The following MECOM variants were observed in gnomAD, a reference collection of about 807,000 sequenced individuals.
The protein encoded by MECOM is histone-lysine N-methyltransferase MECOM.
Under a neutral mutation model 116.3 loss-of-function variants are expected in MECOM, and 13 were observed. That is an observed-to-expected ratio of 0.11 (90% CI 0.07 to 0.18). MECOM has a LOEUF of 0.18. MECOM is among the 10% of genes least tolerant of loss of function. The pLI is 1.00. For synonymous variants in MECOM, 528 were observed against 535.2 expected (o/e 0.99, Z 0.19); for missense variants, 1,299 against 1,509.0 (o/e 0.86, Z 2.31).
At chr3:169,609,203 C>T (rs1350912557) in intron 1 of MECOM, among the ~76,000 whole-genome samples, 2 of 152,156 alleles carry the variant, frequency 1.3e-5, no homozygotes, top group Non-Finnish European at 2.9e-5. Context: ...ATTCAGATTC[C>T]AGGCTTGCTG....
intron 9 of MECOM, among the ~76,000 whole-genome samples, chr3:169,110,752 G>C (rs759652501): frequency 5.3e-5 from 8 of 152,264 alleles, no homozygotes; most frequent in Middle Eastern, 6.8e-3. Context: ...CAGGTTCTAA[G>C]TATTTTGATC....
At chr3:169,172,593 A>C (rs1294630219) in intron 2 of MECOM, among the ~76,000 whole-genome samples, 1 of 152,206 alleles carries the variant, frequency 6.6e-6, no homozygotes, top group Non-Finnish European at 1.5e-5. Context: ...TGATATTTTG[A>C]CTATTGCAAC....
chr3:169,090,363 GT>G, intron 14 of MECOM, 127 bp from the exon 15 acceptor site: 1 of 795,806 alleles, frequency 1.3e-6, no homozygotes, highest in Non-Finnish European at 2.0e-6. Flanking sequence ...ATGTTTTATT[GT>G]TTATGCTCTA....
Position 169,127,869 on chromosome 3 carries a change from C to T in MECOM, c.805G>A (p.Asp269Asn), listed in dbSNP as rs765907926. ...IHTIQECKEC[D>N]QVFPDLQSLE... is the part of the protein sequence containing the mutation. Reference sequence around the variant, plus strand: ...CTTTGCAAATCAGGAAAAACTTGGTCACATTCCTTACACTCCTGGATCGTG... The same window carrying T: ...CTTTGCAAATCAGGAAAAACTTGGTTACATTCCTTACACTCCTGGATCGTG... Residue 269 changes from aspartate (D) to asparagine (N), a missense_variant, in exon 5 of 17, where the codon GAC (aspartate) becomes AAC (asparagine). By Grantham distance (23) the Asp-to-Asn change is conservative (BLOSUM62 1). Around this residue, in one of 6 missense-constraint regions of MECOM, gnomAD observed 374 missense variants for 433.4 expected, o/e 0.86. Transcript: ENST00000651503. The T allele has an allele frequency of 1.1e-5, 18 of 1,613,840 alleles. No homozygotes were observed. The highest frequency in any genetic ancestry group is 1.7e-5 in the Admixed American group (1 of 59,984).
At chr3:169,570,287 A>G (rs1034957700) in intron 1 of MECOM, among the ~76,000 whole-genome samples, 1 of 152,228 alleles carries the variant, frequency 6.6e-6, no homozygotes, top group African/African-American at 2.4e-5. Context: ...AGACTAAACC[A>G]GGGAGAAGTC....
intron 2 of MECOM, among the ~76,000 whole-genome samples, chr3:169,327,457 G>A (rs12330430): frequency 0.17 from 26,480 of 151,916 alleles, 2,777 homozygotes; most frequent in Admixed American, 0.34. Context: ...GGCCAACATA[G>A]AGAAACCCCG....
intron 1 of MECOM, among the ~76,000 whole-genome samples, chr3:169,553,606 CATT>C (rs1560425139): frequency 6.6e-6 from 1 of 152,198 alleles, no homozygotes; most frequent in Non-Finnish European, 1.5e-5. Flanking sequence ...CCACAATTTC[CATT>C]ACAAAATACT....
At chr3:169,388,588 G>A (rs1204540281) in intron 1 of MECOM, among the ~76,000 whole-genome samples, 2 of 152,186 alleles carry the variant, frequency 1.3e-5, no homozygotes, top group African/African-American at 4.8e-5. Context: ...TGTAGCAAGG[G>A]TGCAGAATTA....
intron 10 of MECOM, among the ~76,000 whole-genome samples, chr3:169,104,445 A>G (rs1724656665): frequency 6.6e-6 from 1 of 152,158 alleles, no homozygotes; most frequent in Admixed American, 6.6e-5. Flanking sequence ...TGAAAAATGA[A>G]CTCTGGCCTT....
At chr3:169,122,121 A>G (rs1731234138) in intron 6 of MECOM, among the ~76,000 whole-genome samples, 1 of 152,192 alleles carries the variant, frequency 6.6e-6, no homozygotes, top group Admixed American at 6.5e-5. Flanking sequence ...ACCAAGTCAT[A>G]ATTTATGGTG....
intron 1 of MECOM, among the ~76,000 whole-genome samples, chr3:169,393,833 A>G (rs1444622202): frequency 1.3e-5 from 2 of 152,200 alleles, no homozygotes; most frequent in Admixed American, 1.3e-4. Flanking sequence ...AGATATTTCA[A>G]TAGCATTGTA....
intron 2 of MECOM, among the ~76,000 whole-genome samples, chr3:169,373,809 C>T (rs1238050175): frequency 6.6e-6 from 1 of 151,882 alleles, no homozygotes; most frequent in African/African-American, 2.4e-5. Context: ...CTAGATTTGT[C>T]CATGGACTAC....
chr3:169,154,095 C>T (rs1239714189), intron 2 of MECOM, among the ~76,000 whole-genome samples: 1 of 152,078 alleles, frequency 6.6e-6, no homozygotes, highest in African/African-American at 2.4e-5. Flanking sequence ...ATGAAGATGT[C>T]CGTCTCTGTC....
At chr3:169,118,236 G>T (rs1262101569) in intron 7 of MECOM, among the ~76,000 whole-genome samples, 1 of 152,120 alleles carries the variant, frequency 6.6e-6, no homozygotes, top group African/African-American at 2.4e-5. Flanking sequence ...ACTACTAAAG[G>T]TTAAAGTGTA....
At chr3:169,535,477 G>A (rs1759239590) in intron 1 of MECOM, among the ~76,000 whole-genome samples, 1 of 152,080 alleles carries the variant, frequency 6.6e-6, no homozygotes. Context: ...AAATGTCTAG[G>A]TGCCACCTGG....
intron 1 of MECOM, among the ~76,000 whole-genome samples, chr3:169,396,132 A>G (rs1196040182): frequency 2.0e-5 from 3 of 152,232 alleles, no homozygotes; most frequent in South Asian, 4.1e-4. Flanking sequence ...ATCATTTTTC[A>G]TAACATCTGC....
intron 2 of MECOM, among the ~76,000 whole-genome samples, chr3:169,334,834 G>C (rs1723334412): frequency 6.6e-6 from 1 of 152,182 alleles, no homozygotes; most frequent in Admixed American, 6.6e-5. Flanking sequence ...CCATGTAATG[G>C]AAAAGATGCA....
intron 1 of MECOM, among the ~76,000 whole-genome samples, chr3:169,452,410 G>A (rs1251861755): frequency 1.3e-5 from 2 of 152,062 alleles, no homozygotes; most frequent in African/African-American, 2.4e-5. Flanking sequence ...AATCTATGAT[G>A]GATCAATGTT....
At chr3:169,430,592 A>G (rs865871960) in intron 1 of MECOM, among the ~76,000 whole-genome samples, 1 of 152,200 alleles carries the variant, frequency 6.6e-6, no homozygotes, top group Non-Finnish European at 1.5e-5. Context: ...ATAAGGAGAA[A>G]AAGGCCTCCC....
Sources: allele counts gnomAD v4.1 joint callset (sites outside exome capture counted in the v4.1 genomes callset), GRCh38; gene constraint gnomAD v4.1.1; regional missense constraint gnomAD v4.1.1; transcripts MANE v1.5; gene names NCBI Gene and HGNC (gene_info 2026-07-23, HGNC 2026-07-21).